STARD3NL: variants seen among roughly 807,000 people sequenced by gnomAD.
STARD3NL encodes the protein STARD3 N-terminal like, also known as STARD3 N-terminal-like protein.
A neutral mutation model predicts 30.9 loss-of-function variants in STARD3NL; 17 were observed. The observed-to-expected ratio is 0.55, with a 90% CI of 0.38 to 0.82. STARD3NL has a LOEUF of 0.82. Among genes scored for constraint, STARD3NL ranks in the 40% least tolerant of loss-of-function variants. The pLI, the probability that STARD3NL is intolerant of heterozygous loss-of-function variation, is 0.00. For synonymous variants in STARD3NL, 112 were observed against 100.5 expected, an observed-to-expected ratio of 1.11 and a Z score of -0.69; for missense variants, 234 against 277.6, an observed-to-expected ratio of 0.84 and a Z score of 1.12.
At chr7:38,189,815 A>G (rs1784607788) in intron 1 of STARD3NL, among the ~76,000 whole-genome samples, 1 of 152,172 alleles carries the variant, frequency 6.6e-6, no homozygotes, top group South Asian at 2.1e-4. Context: ...GAATTCTTAT[A>G]TGGCTTTTCC....
intron 4 of STARD3NL, chr7:38,216,743 C>G (rs1375731646): frequency 2.2e-6 from 1 of 456,988 alleles, no homozygotes; most frequent in East Asian, 3.5e-5. Context: ...GGAATTGTAC[C>G]TTCTGGTGGA....
At chr7:38,226,166 T>G (rs1583834833) in intron 7 of STARD3NL, among the ~76,000 whole-genome samples, 2 of 150,826 alleles carry the variant, frequency 1.3e-5, no homozygotes, top group Non-Finnish European at 3.0e-5. Flanking sequence ...TTTTTTTTTT[T>G]TTTTTTTTGA....
chr7:38,190,269 T>A (rs2115998862), intron 1 of STARD3NL, among the ~76,000 whole-genome samples: 1 of 152,350 alleles, frequency 6.6e-6, no homozygotes, highest in Middle Eastern at 3.4e-3. Flanking sequence ...ACACACAATT[T>A]AAAACTCATG....
At position 38,207,628 on chromosome 7, in the gene STARD3NL, G is replaced by A; in HGVS notation, c.124G>A (p.Gly42Arg). 1.2e-6 allele frequency: 2 copies of A among 1,614,060 alleles called. No homozygotes were observed. The highest frequency in any genetic ancestry group is 1.1e-5 in the South Asian group (1 of 91,086). ...CATGGCCAGGATTGAGTCCTATGAA[G>A]GAAGGGAAAAGAAAGGCATATCTGA... ...QLMARIESYEGREKKGISDVR... is the reference protein window; with the variant it reads ...QLMARIESYERREKKGISDVR... Residue 42 changes from glycine (G) to arginine (R), a missense_variant, in exon 2 of 9, where the codon GGA (glycine) becomes AGA (arginine). Coordinates refer to ENST00000009041, the MANE Select transcript of STARD3NL (RefSeq NM_032016.4).
chr7:38,185,237 T>C (rs950423355), intron 1 of STARD3NL, among the ~76,000 whole-genome samples: 21 of 152,256 alleles, frequency 1.4e-4, no homozygotes, highest in African/African-American at 4.6e-4. Flanking sequence ...GAGAAAAGGA[T>C]ACTGGTGATT....
At chr7:38,214,521 CT>C (rs1583817539) in intron 3 of STARD3NL, 87 bp downstream of exon 3, 6 of 744,372 alleles carry the variant, frequency 8.1e-6, no homozygotes, top group Non-Finnish European at 6.5e-6. Flanking sequence ...ATTCCATGCC[CT>C]TTTTTCCTCT....
rs758846113 is a variant in STARD3NL, at chr7:38,214,461, G to A, written c.303+27G>A. 4 of 1,480,984 alleles carry A rather than the reference G, an allele frequency of 2.7e-6. No individual in the cohort carries two copies. The Admixed American group carries it at 7.0e-5, about 26-fold the overall frequency. 91.7% of individuals were successfully genotyped at this position (1,480,984 alleles called of 1,614,324 possible). A position where few individuals can be genotyped will look rare whatever the true frequency, so the allele number is the denominator to read the frequency against. ...TAAGTATTTTTTATGTTTCATTTCA[G>A]ATGTGATAAAACTGACCCAAAAGGC... On this transcript the variant is annotated intron_variant, in intron 3 of 8. Coordinates refer to ENST00000009041, the MANE Select transcript of STARD3NL (RefSeq NM_032016.4).
intron 2 of STARD3NL, among the ~76,000 whole-genome samples, chr7:38,210,968 A>T (rs1295222459): frequency 2.0e-5 from 3 of 152,160 alleles, no homozygotes; most frequent in Non-Finnish European, 2.9e-5. Flanking sequence ...TAATAAACTA[A>T]TACTGGTCTT....
At chr7:38,207,004 A>G (rs1785523852) in intron 1 of STARD3NL, among the ~76,000 whole-genome samples, 1 of 152,134 alleles carries the variant, frequency 6.6e-6, no homozygotes, top group African/African-American at 2.4e-5. Context: ...AAGCTTTTTT[A>G]TAGCTAATTT....
intron 1 of STARD3NL, among the ~76,000 whole-genome samples, chr7:38,185,176 T>C (rs1467309589): frequency 1.3e-5 from 2 of 152,174 alleles, no homozygotes; most frequent in Non-Finnish European, 2.9e-5. Context: ...CTTCGGTTGC[T>C]GATCTTCTTG....
At chr7:38,180,133 CAT>C (rs1367612503) in intron 1 of STARD3NL, among the ~76,000 whole-genome samples, 1 of 152,216 alleles carries the variant, frequency 6.6e-6, no homozygotes, top group Non-Finnish European at 1.5e-5. Context: ...TAGTGATACT[CAT>C]AAACTCTAGC....
chr7:38,208,565 A>T (rs1434964229), intron 2 of STARD3NL, among the ~76,000 whole-genome samples: 1 of 152,150 alleles, frequency 6.6e-6, no homozygotes, highest in Admixed American at 6.6e-5. Context: ...GATTGTTTAC[A>T]TTTCTTACCA....
At chr7:38,226,604 G>A (rs975184836) in intron 7 of STARD3NL, among the ~76,000 whole-genome samples, 3 of 152,122 alleles carry the variant, frequency 2.0e-5, no homozygotes, top group African/African-American at 7.2e-5. Context: ...CTCTCTCTGC[G>A]TATGCTTAGA....
intron 2 of STARD3NL, among the ~76,000 whole-genome samples, chr7:38,209,979 A>G (rs1378425377): frequency 6.6e-6 from 1 of 152,236 alleles, no homozygotes; most frequent in Non-Finnish European, 1.5e-5. Context: ...AAAAGGGTAT[A>G]TGATCAAGCA....
In STARD3NL at chr7:38,207,608, C is replaced by T. The variant is rs1163603776; in HGVS notation, c.104C>T (p.Ala35Val). The T allele has an allele frequency of 1.2e-6, 2 of 1,614,060 alleles. No homozygotes were observed. The highest frequency in any genetic ancestry group is 4.5e-5 in the East Asian group (2 of 44,874). ...TCCATCAACCCCACACAACTCATGG[C>T]CAGGATTGAGTCCTATGAAGGAAGG... ...IHSINPTQLM[A>V]RIESYEGREK... The change falls in exon 2 of 9, where the codon GCC becomes GTC. Residue 35 changes from alanine (A) to valine (V), a missense_variant. By Grantham distance (64) the Ala-to-Val change is moderately conservative. Transcript: ENST00000009041.
At chr7:38,201,338 G>A (rs1785166570) in intron 1 of STARD3NL, among the ~76,000 whole-genome samples, 1 of 152,060 alleles carries the variant, frequency 6.6e-6, no homozygotes, top group Admixed American at 6.6e-5. Context: ...TATTTCCATT[G>A]TGTATTTAAT....
intron 2 of STARD3NL, 148 bp downstream of exon 2, chr7:38,207,877 C>G: frequency 2.8e-6 from 2 of 725,392 alleles, no homozygotes; most frequent in South Asian, 3.9e-5. Context: ...TGATTTGGAC[C>G]TTTCTTGTTC....
At chr7:38,181,497 T>C (rs1263903172) in intron 1 of STARD3NL, among the ~76,000 whole-genome samples, 1 of 152,214 alleles carries the variant, frequency 6.6e-6, no homozygotes, top group Non-Finnish European at 1.5e-5. Flanking sequence ...TTGCATATTT[T>C]AGTAATTATG....
intron 7 of STARD3NL, among the ~76,000 whole-genome samples, chr7:38,223,898 T>C (rs1420134205): frequency 6.6e-6 from 1 of 152,192 alleles, no homozygotes; most frequent in Non-Finnish European, 1.5e-5. Context: ...TAATCAATAT[T>C]ACAGTGTAAT....
Sources: allele counts gnomAD v4.1 joint callset (sites outside exome capture counted in the v4.1 genomes callset), GRCh38; gene constraint gnomAD v4.1.1; transcripts MANE v1.5; gene names NCBI Gene and HGNC (gene_info 2026-07-23, HGNC 2026-07-21).